RGS3: variants seen among roughly 807,000 people sequenced by gnomAD.
RGS3 encodes regulator of G protein signaling 3.
A neutral mutation model predicts 132.6 loss-of-function variants in RGS3; 80 were observed. The ratio of observed to expected loss-of-function variants is 0.60; its 90% CI spans 0.50 to 0.73. The LOEUF (loss-of-function observed/expected upper bound fraction) is 0.73. Ranked by LOEUF, RGS3 falls within the 30% of genes least tolerant of loss-of-function variation. RGS3 has a pLI of 0.00. For missense variants in RGS3, 1,382 were observed against 1,530.8 expected, an observed-to-expected ratio of 0.90 and a Z score of 1.62; for synonymous variants, 598 against 620.6, an observed-to-expected ratio of 0.96 and a Z score of 0.54.
intron 10 of RGS3, chr9:113,501,644 C>T (rs1038438415): frequency 5.1e-6 from 8 of 1,559,092 alleles, no homozygotes; most frequent in East Asian, 2.3e-5. Context: ...GGTGCTTGGC[C>T]TCTTGTGGGG....
chr9:113,524,806 C>A (rs1057282960), intron 17 of RGS3, among the ~76,000 whole-genome samples: 1 of 152,226 alleles, frequency 6.6e-6, no homozygotes, highest in Non-Finnish European at 1.5e-5. Flanking sequence ...GCCTCTACCC[C>A]TCTGGGGGCC....
chr9:113,466,061 T>C (rs1829630940), intron 3 of RGS3, among the ~76,000 whole-genome samples: 1 of 152,198 alleles, frequency 6.6e-6, no homozygotes, highest in Non-Finnish European at 1.5e-5. Context: ...CACAGATTCC[T>C]AGAATCTTCT....
At chr9:113,480,558 C>G (rs1475671014) in intron 4 of RGS3, among the ~76,000 whole-genome samples, 1 of 152,150 alleles carries the variant, frequency 6.6e-6, no homozygotes, top group Non-Finnish European at 1.5e-5. Flanking sequence ...AAGCACCCAC[C>G]CCTGTCTAGA....
intron 10 of RGS3, among the ~76,000 whole-genome samples, chr9:113,500,710 C>CA: frequency 7.1e-6 from 1 of 140,922 alleles, no homozygotes; most frequent in East Asian, 2.0e-4. Context: ...TTTTTTGAGA[C>CA]AGACTCTTTC....
intron 9 of RGS3, 127 bp from the exon 8 acceptor site, chr9:113,497,898 C>A: frequency 1.2e-6 from 1 of 855,920 alleles, no homozygotes; most frequent in Non-Finnish European, 1.9e-6. Flanking sequence ...GTCCCCACAT[C>A]CTGAGGCCAG....
intron 18 of RGS3, among the ~76,000 whole-genome samples, chr9:113,531,754 C>G (rs1056189812): frequency 6.6e-6 from 1 of 152,192 alleles, no homozygotes. Flanking sequence ...CCGAGACCTC[C>G]TGGGGCCAGT....
intron 3 of RGS3, among the ~76,000 whole-genome samples, 158 bp downstream of exon 1, chr9:113,464,039 G>T (rs1206625137): frequency 6.6e-6 from 1 of 152,196 alleles, no homozygotes; most frequent in Admixed American, 6.5e-5. Context: ...GCCCAGGAGG[G>T]GCTCAGGGCA....
At chr9:113,546,036 A>G (rs1833098678) in intron 19 of RGS3, among the ~76,000 whole-genome samples, 1 of 152,048 alleles carries the variant, frequency 6.6e-6, no homozygotes, top group Admixed American at 6.5e-5. Flanking sequence ...GGACTGTCAC[A>G]CTCCTGCTTA....
At chr9:113,595,014 C>G in intron 23 of RGS3, 34 bp downstream of exon 21, 1 of 1,596,972 alleles carries the variant, frequency 6.3e-7, no homozygotes, top group South Asian at 1.1e-5. Flanking sequence ...TCCCTGTGCC[C>G]TCTCTCCCTC....
chr9:113,466,655 A>G (rs1013998125), intron 3 of RGS3, among the ~76,000 whole-genome samples: 3 of 152,222 alleles, frequency 2.0e-5, no homozygotes, highest in Non-Finnish European at 4.4e-5. Flanking sequence ...GTAGGTATAC[A>G]TAATATTTTT....
chr9:113,454,522 C>G (rs1053147889), intron 1 of RGS3, among the ~76,000 whole-genome samples: 16 of 152,026 alleles, frequency 1.1e-4, no homozygotes, highest in African/African-American at 3.4e-4. Context: ...GCATAAGAAT[C>G]ACTTGAACCT....
At chr9:113,535,562 T>TA (rs1366610030) in intron 18 of RGS3, among the ~76,000 whole-genome samples, 1 of 152,224 alleles carries the variant, frequency 6.6e-6, no homozygotes. Context: ...CTTGCCCTCC[T>TA]AGTAGCTCTG....
intron 7 of RGS3, among the ~76,000 whole-genome samples, chr9:113,493,189 G>A (rs1034086318): frequency 6.6e-6 from 1 of 152,264 alleles, no homozygotes; most frequent in Admixed American, 6.5e-5. Flanking sequence ...GTTTATGATA[G>A]TCACTGCAAC....
chr9:113,455,559 T>A (rs1054811624), upstream of RGS3, among the ~76,000 whole-genome samples: 1 of 152,208 alleles, frequency 6.6e-6, no homozygotes, highest in Admixed American at 6.5e-5. Flanking sequence ...GAAGGTTTGG[T>A]CTCTTCCACT....
chr9:113,508,583 G>A lies in RGS3; in HGVS notation c.1477+3G>A. 1 of 1,612,058 alleles carries A rather than the reference G, an allele frequency of 6.2e-7. No individual in the cohort carries two copies. On this transcript the variant is annotated splice_donor_region_variant and intron_variant, in intron 14 of 24. Coordinates refer to ENST00000350696, the Ensembl canonical transcript of RGS3. ...CCAGGAGGATACCATCCCCGAAGGT[G>A]AGTCTCCTGCTGCTGCTGTGCCCTC...
chr9:113,597,649 C>T (rs547511130), exon 25 of RGS3: 3 of 152,386 alleles, frequency 2.0e-5, no homozygotes, highest in South Asian at 2.1e-4. Flanking sequence ...GAGTGTCCCT[C>T]GGGGGCTTTG....
chr9:113,461,764 G>C, exon 2 of RGS3: 2 of 1,614,154 alleles, frequency 1.2e-6, no homozygotes, highest in Non-Finnish European at 1.7e-6. Context: ...ACCGTCCTGA[G>C]TGTTGTACCT....
At chr9:113,571,037 G>A (rs1834267423) in intron 19 of RGS3, among the ~76,000 whole-genome samples, 2 of 152,182 alleles carry the variant, frequency 1.3e-5, no homozygotes, top group South Asian at 4.1e-4. Context: ...CTTTTGATCA[G>A]CATTTTGATG....
chr9:113,462,050 C>T (rs1326408733), exon 3 of RGS3: 1 of 1,614,034 alleles, frequency 6.2e-7, no homozygotes, highest in South Asian at 1.1e-5. Flanking sequence ...TCAGTGTCCT[C>T]TCTACATCCT....
Sources: gnomAD v4.1 joint callset for allele counts (sites outside exome capture counted in the v4.1 genomes callset) on GRCh38, gnomAD v4.1.1 for gene constraint, MANE v1.5 for transcripts, NCBI Gene and HGNC (gene_info 2026-07-23, HGNC 2026-07-21) for gene names.